Variants in HLCS observed in about 807,000 individuals in gnomAD.
HLCS encodes holocarboxylase synthetase, also known as biotin--protein ligase.
A neutral mutation model predicts 75.0 loss-of-function variants in HLCS; 53 were observed. That is an observed-to-expected ratio of 0.71 (90% CI 0.57 to 0.89). The LOEUF (loss-of-function observed/expected upper bound fraction) is 0.89, where lower values mean the gene tolerates loss of function less well. HLCS is among the 40% of genes least tolerant of loss of function. HLCS has a pLI of 0.00. For missense variants in HLCS, 966 were observed against 1,074.0 expected (o/e 0.90, Z 1.41); for synonymous variants, 431 against 428.6 (o/e 1.01, Z -0.07).
intron 6 of HLCS, among the ~76,000 whole-genome samples, chr21:36,847,708 G>A (rs139552264): frequency 2.0e-5 from 3 of 152,282 alleles, no homozygotes; most frequent in African/African-American, 7.2e-5. Context: ...CCAAAAACGT[G>A]ACTCTATTTC....
At chr21:36,877,311 T>G (rs774441221) in intron 6 of HLCS, among the ~76,000 whole-genome samples, 4 of 152,198 alleles carry the variant, frequency 2.6e-5, no homozygotes, top group Non-Finnish European at 4.4e-5. Context: ...TCTCTTTTTT[T>G]TGTGTGTGTT....
intron 5 of HLCS, among the ~76,000 whole-genome samples, chr21:36,923,950 T>G (rs1192731060): frequency 6.6e-6 from 1 of 152,174 alleles, no homozygotes; most frequent in Non-Finnish European, 1.5e-5. Context: ...TAAAAGCTTT[T>G]AAATGTTTGC....
At chr21:36,771,630 G>A (rs1197081492) in intron 6 of HLCS, among the ~76,000 whole-genome samples, 1 of 152,190 alleles carries the variant, frequency 6.6e-6, no homozygotes, top group Non-Finnish European at 1.5e-5. Context: ...ATGACCACCG[G>A]ACACTTTTAG....
chr21:36,836,803 C>T (rs977032769), intron 6 of HLCS, among the ~76,000 whole-genome samples: 7 of 151,892 alleles, frequency 4.6e-5, no homozygotes, highest in Non-Finnish European at 7.4e-5. Flanking sequence ...TTTTTTAAGG[C>T]GGTAAGTGTC....
intron 1 of HLCS, among the ~76,000 whole-genome samples, chr21:36,988,351 T>G (rs1381069695): frequency 6.6e-6 from 1 of 152,254 alleles, no homozygotes; most frequent in Non-Finnish European, 1.5e-5. Context: ...TTCCTAGTAC[T>G]GTATACCCTA....
At chr21:36,856,628 TA>T (rs954720230) in intron 6 of HLCS, among the ~76,000 whole-genome samples, 1 of 151,772 alleles carries the variant, frequency 6.6e-6, no homozygotes, top group Non-Finnish European at 1.5e-5. Context: ...TTCTAGGAAG[TA>T]TATCATCAGG....
In HLCS at chr21:36,828,044, A is replaced by C. The variant is rs575812038; in HGVS notation, c.1893-60759T>G. On this transcript the variant is annotated intron_variant, in intron 6 of 10. Coordinates refer to ENST00000674895, the MANE Select transcript of HLCS (RefSeq NM_001352514.2). ...TAGCCAGGATGGTCTTGATCTCCTG[A>C]CCTCGTGATCTGCCTGCCTTGGCCC... is the stretch of plus-strand genomic sequence containing the variant. Among the ~76,000 whole-genome samples the C allele has an allele frequency of 2.0e-5, 3 of 151,992 alleles. No homozygotes were observed. The East Asian group carries it at 5.8e-4, about 29-fold the overall frequency.
chr21:36,832,744 C>T (rs1461077878), intron 6 of HLCS, among the ~76,000 whole-genome samples: 1 of 152,214 alleles, frequency 6.6e-6, no homozygotes, highest in Non-Finnish European at 1.5e-5. Flanking sequence ...CTTGGAATTA[C>T]TTTCTCTCAT....
intron 6 of HLCS, among the ~76,000 whole-genome samples, chr21:36,877,409 T>C (rs539288305): frequency 6.6e-6 from 1 of 152,158 alleles, no homozygotes; most frequent in Non-Finnish European, 1.5e-5. Flanking sequence ...TTTTGCCTTA[T>C]GTGTTTAGTG....
chr21:36,945,057 T>G (rs751671646), intron 2 of HLCS, among the ~76,000 whole-genome samples: 2 of 152,100 alleles, frequency 1.3e-5, no homozygotes, highest in Non-Finnish European at 2.9e-5. Context: ...GAAGCGGAAC[T>G]TGCAGTGAGC....
chr21:36,808,482 A>G (rs1333864754), intron 6 of HLCS, among the ~76,000 whole-genome samples: 1 of 152,232 alleles, frequency 6.6e-6, no homozygotes, highest in Admixed American at 6.5e-5. Context: ...AGTTAGAAAT[A>G]TAAGTTTTCA....
At chr21:36,814,829 T>A (rs1471036998) in intron 6 of HLCS, among the ~76,000 whole-genome samples, 4 of 152,170 alleles carry the variant, frequency 2.6e-5, no homozygotes, top group Admixed American at 2.6e-4. Context: ...ATACTGCTGG[T>A]TCAAAATTCG....
intron 6 of HLCS, among the ~76,000 whole-genome samples, chr21:36,812,449 C>T (rs1302416151): frequency 6.6e-6 from 1 of 152,084 alleles, no homozygotes; most frequent in African/African-American, 2.4e-5. Context: ...AATGAATATG[C>T]CTAAATTATC....
rs914456352 is a variant in HLCS, at chr21:36,861,720, C to T, written c.1892+35140G>A. Among the ~76,000 whole-genome samples the T allele has an allele frequency of 5.9e-5, 9 of 152,164 alleles. No homozygotes were observed. The South Asian group carries it at 6.2e-4, about 11-fold the overall frequency. On this transcript the variant is annotated intron_variant, in intron 6 of 10. Transcript: ENST00000674895. ...TACCTCCCTCTTACATCACTTCTGACGTAAGCTTTAGAATTTCTGTACCAT... is the reference window on the plus strand; with the variant it reads ...TACCTCCCTCTTACATCACTTCTGATGTAAGCTTTAGAATTTCTGTACCAT...
At chr21:36,787,266 C>A (rs1357489109) in intron 6 of HLCS, among the ~76,000 whole-genome samples, 1 of 152,186 alleles carries the variant, frequency 6.6e-6, no homozygotes, top group Non-Finnish European at 1.5e-5. Context: ...CCTCCAGGGC[C>A]ACCGTGGGAC....
chr21:36,946,607 A>C (rs555344449), intron 2 of HLCS, among the ~76,000 whole-genome samples: 1 of 152,118 alleles, frequency 6.6e-6, no homozygotes, highest in East Asian at 1.9e-4. Context: ...GAATTTAATT[A>C]TTCTCCTCGG....
At chr21:36,830,376 C>T (rs1472504145) in intron 6 of HLCS, among the ~76,000 whole-genome samples, 1 of 152,200 alleles carries the variant, frequency 6.6e-6, no homozygotes, top group African/African-American at 2.4e-5. Flanking sequence ...GTAACGGGAG[C>T]ATTAAAAAGC....
chr21:36,847,598 G>A (rs1280802978), intron 6 of HLCS, among the ~76,000 whole-genome samples: 3 of 152,200 alleles, frequency 2.0e-5, no homozygotes, highest in Non-Finnish European at 4.4e-5. Flanking sequence ...ATGATAAACT[G>A]TAAAACCAAA....
intron 6 of HLCS, among the ~76,000 whole-genome samples, chr21:36,890,954 G>T (rs2064757497): frequency 6.6e-6 from 1 of 152,196 alleles, no homozygotes; most frequent in Non-Finnish European, 1.5e-5. Flanking sequence ...GCCTGAGGCA[G>T]AATTCTAATT....
Sources: gnomAD v4.1 joint callset for allele counts (sites outside exome capture counted in the v4.1 genomes callset) on GRCh38, gnomAD v4.1.1 for gene constraint, MANE v1.5 for transcripts, NCBI Gene and HGNC (gene_info 2026-07-23, HGNC 2026-07-21) for gene names.